Variants in DAB1 observed in about 807,000 individuals in gnomAD.
DAB1 encodes disabled homolog 1.
DAB1 carries 15 observed loss-of-function variants against 64.6 expected under a neutral mutation model. That is an observed-to-expected ratio of 0.23 (90% CI 0.16 to 0.36). The LOEUF is 0.36. DAB1 is among the 10% of genes least tolerant of loss of function. The pLI is 1.00. For synonymous variants in DAB1, 235 were observed against 251.9 expected, an observed-to-expected ratio of 0.93 and a Z score of 0.64; for missense variants, 596 against 706.7, an observed-to-expected ratio of 0.84 and a Z score of 1.78.
chr1:58,517,642 T>C (rs1344697770), intron 2 of DAB1, among the ~76,000 whole-genome samples: 2 of 152,192 alleles, frequency 1.3e-5, no homozygotes, highest in African/African-American at 4.8e-5. Context: ...ATTAAATTTC[T>C]GTCTCTTGAA....
At chr1:58,541,990 A>G (rs1646631048) in intron 1 of DAB1, among the ~76,000 whole-genome samples, 1 of 152,204 alleles carries the variant, frequency 6.6e-6, no homozygotes, top group Admixed American at 6.5e-5. Flanking sequence ...AGCTAATACG[A>G]TATTATCTAG....
chr1:58,413,422 C>T (rs941957761), intron 3 of DAB1, among the ~76,000 whole-genome samples: 2 of 152,142 alleles, frequency 1.3e-5, no homozygotes, highest in African/African-American at 4.8e-5. Context: ...AAGTAACATG[C>T]CTAAACCACG....
chr1:57,567,846 C>T (rs1336487933), intron 7 of DAB1, among the ~76,000 whole-genome samples: 3 of 152,170 alleles, frequency 2.0e-5, no homozygotes, highest in Non-Finnish European at 2.9e-5. Context: ...AATGGCCATA[C>T]TGCCCAAGGT....
intron 6 of DAB1, among the ~76,000 whole-genome samples, chr1:57,679,083 A>G (rs1250479416): frequency 6.6e-6 from 1 of 152,090 alleles, no homozygotes; most frequent in Non-Finnish European, 1.5e-5. Flanking sequence ...CTGTGAGGCA[A>G]CTGTTATCTT....
intron 5 of DAB1, among the ~76,000 whole-genome samples, chr1:57,895,728 C>T (rs896000264): frequency 6.6e-6 from 1 of 152,150 alleles, no homozygotes; most frequent in Non-Finnish European, 1.5e-5. Flanking sequence ...GCTTCACTGC[C>T]TGCCATTATG....
rs1385307977 is a variant in DAB1, at chr1:57,795,692, T to TATAG, written n.551+88306_551+88307insCTAT. Among the ~76,000 whole-genome samples the TATAG allele has an allele frequency of 5.7e-3, 118 of 20,542 alleles. 1 individual carries two copies. Among genetic ancestry groups the TATAG allele is most frequent in the South Asian group, 0.012 (5 of 406 alleles). 13.5% of individuals were successfully genotyped at this position (20,542 alleles called of 152,430 possible). On this transcript the variant is annotated intron_variant and non_coding_transcript_variant, in intron 6 of 20. Transcript: ENST00000485760. ...ACCATCCATGAATTATGCTTGGAGA[T>TATAG]ATATATATATATATATATATATATA...
intron 7 of DAB1, among the ~76,000 whole-genome samples, chr1:57,584,309 C>G (rs1483238741): frequency 1.3e-5 from 2 of 152,138 alleles, no homozygotes; most frequent in Non-Finnish European, 2.9e-5. Flanking sequence ...TGCAGGCTGC[C>G]CAATTCACAA....
intron 4 of DAB1, among the ~76,000 whole-genome samples, chr1:57,125,532 T>C (rs1382059102): frequency 1.3e-5 from 2 of 151,512 alleles, no homozygotes; most frequent in Non-Finnish European, 2.9e-5. Context: ...AAAAGGTGAG[T>C]ATATCTACAT....
At chr1:58,506,236 C>T (rs905742386) in intron 2 of DAB1, 1 of 854,342 alleles carries the variant, frequency 1.2e-6, no homozygotes, top group Non-Finnish European at 2.0e-6. Context: ...TAAAACCACA[C>T]AATGAGCTCA....
At chr1:57,933,216 C>A (rs1644978371) in intron 5 of DAB1, among the ~76,000 whole-genome samples, 1 of 152,242 alleles carries the variant, frequency 6.6e-6, no homozygotes, top group Non-Finnish European at 1.5e-5. Flanking sequence ...TATGCTGGCC[C>A]TGGTTCCAGT....
At chr1:58,188,754 C>A (rs888138522) in intron 4 of DAB1, among the ~76,000 whole-genome samples, 2 of 152,142 alleles carry the variant, frequency 1.3e-5, no homozygotes, top group African/African-American at 4.8e-5. Flanking sequence ...GTTATGTATA[C>A]CTGTCACCAT....
intron 14 of DAB1, among the ~76,000 whole-genome samples, chr1:57,009,131 T>C (rs1004980654): frequency 7.2e-5 from 11 of 152,226 alleles, no homozygotes; most frequent in Admixed American, 3.3e-4. Flanking sequence ...ATGTTTGCTG[T>C]TATCCTGATG....
chr1:58,358,845 C>T (rs1418700993), intron 3 of DAB1, among the ~76,000 whole-genome samples: 1 of 151,756 alleles, frequency 6.6e-6, no homozygotes, highest in Non-Finnish European at 1.5e-5. Flanking sequence ...CTCTCTCACT[C>T]CTTCTCTCTC....
At chr1:57,646,480 G>T (rs1266540264) in intron 7 of DAB1, among the ~76,000 whole-genome samples, 2 of 152,144 alleles carry the variant, frequency 1.3e-5, no homozygotes, top group Non-Finnish European at 2.9e-5. Context: ...GGGCATGGTG[G>T]CTAATGCCTG....
intron 3 of DAB1, among the ~76,000 whole-genome samples, chr1:58,454,886 C>T (rs766103060): frequency 3.3e-5 from 5 of 152,224 alleles, no homozygotes; most frequent in African/African-American, 9.7e-5. Flanking sequence ...TGAAATCCCT[C>T]GCTTATCCTA....
chr1:58,134,612 G>A (rs1259186242), intron 5 of DAB1, among the ~76,000 whole-genome samples: 1 of 152,200 alleles, frequency 6.6e-6, no homozygotes, highest in East Asian at 1.9e-4. Flanking sequence ...ATGACAGAAG[G>A]TAAAGGAGAA....
At chr1:57,356,711 A>C (rs191374943) in intron 1 of DAB1, among the ~76,000 whole-genome samples, 22 of 152,212 alleles carry the variant, frequency 1.4e-4, no homozygotes, top group Admixed American at 1.1e-3. Flanking sequence ...TGTAGGAACA[A>C]AGCTCAGCTG....
intron 3 of DAB1, among the ~76,000 whole-genome samples, chr1:58,353,333 T>C (rs768251893): frequency 6.6e-6 from 1 of 152,196 alleles, no homozygotes; most frequent in Admixed American, 6.5e-5. Context: ...CAAACACACA[T>C]AGATTTGACA....
Position 58,072,681 on chromosome 1 carries a change from T to C in DAB1, n.387+77830A>G, listed in dbSNP as rs545121026. ...TGAGCAGCAGTGATTACAGTAATGA[T>C]AAGATGACAACATTGATATGATCAT... On this transcript the variant is annotated intron_variant and non_coding_transcript_variant, in intron 5 of 20. Transcript: ENST00000485760. Among the ~76,000 whole-genome samples, 6 of 152,336 alleles carry C rather than the reference T, an allele frequency of 3.9e-5. No homozygotes were observed. The South Asian group carries it at 1.2e-3, about 32-fold the overall frequency.
Sources: allele counts gnomAD v4.1 joint callset (sites outside exome capture counted in the v4.1 genomes callset), GRCh38; gene constraint gnomAD v4.1.1; transcripts MANE v1.5; gene names NCBI Gene and HGNC (gene_info 2026-07-23, HGNC 2026-07-21).